The following DCAF8L2 variants were observed in gnomAD, a reference collection of about 807,000 sequenced individuals.
The protein encoded by DCAF8L2 is DDB1 and CUL4 associated factor 8 like 2, also known as DDB1- and CUL4-associated factor 8-like protein 2.
For missense variants in DCAF8L2, 430 were observed against 490.7 expected (o/e 0.88, Z 1.17); for synonymous variants, 200 against 190.9 (o/e 1.05, Z -0.39).
chrX:27,595,323 G>T (rs1926302044), intron 1 of DCAF8L2, among the ~76,000 whole-genome samples: 1 of 111,344 alleles, frequency 9.0e-6, no homozygotes, highest in African/African-American at 3.3e-5. Flanking sequence ...AAGCAGCATG[G>T]CCAACTCCAA....
At position 27,700,356 on chromosome X, in the gene DCAF8L2, C is replaced by T. The variant is rs1323848209; in HGVS notation, c.-142-15732C>T. Among the ~76,000 whole-genome samples, 13 of 96,104 alleles carry T rather than the reference C, an allele frequency of 1.4e-4. No homozygotes were observed. The Admixed American group carries it at 1.4e-3, about 11-fold the overall frequency. The allele number at this position is 96,104 out of a possible 115,157, so 83.5% of individuals were successfully genotyped here. ...TATGTGTTGAGGAGTATTAACACAT[C>T]TGGAAATGGGTCATAAGTGTTAAGG... is the stretch of plus-strand genomic sequence containing the variant. On this transcript the variant is annotated intron_variant, in intron 3 of 4. Transcript: ENST00000451261.
the DCAF8L2 span, among the ~76,000 whole-genome samples, chrX:27,533,141 AGAAAG>A: frequency 2.8e-4 from 6 of 21,807 alleles, no homozygotes; most frequent in African/African-American, 1.4e-3. Context: ...GAAGGAAGGA[AGAAAG>A]AGAGAGAGAG....
intron 3 of DCAF8L2, among the ~76,000 whole-genome samples, chrX:27,702,296 T>C (rs1289630632): frequency 1.1e-5 from 1 of 88,873 alleles, no homozygotes. Flanking sequence ...TTAATACCAA[T>C]TCCCTCACAA....
At chrX:27,487,881 T>G in the DCAF8L2 span, among the ~76,000 whole-genome samples, 1 of 111,799 alleles carries the variant, frequency 8.9e-6, no homozygotes. Flanking sequence ...TTCAGTCACT[T>G]ATCTCAATGT....
the DCAF8L2 span, among the ~76,000 whole-genome samples, chrX:27,523,986 G>C: frequency 8.9e-6 from 1 of 111,838 alleles, no homozygotes; most frequent in Admixed American, 9.5e-5. Flanking sequence ...TGGTCTAAAA[G>C]TCTCTTTCGT....
chrX:27,604,617 A>G (rs898040980), intron 1 of DCAF8L2, among the ~76,000 whole-genome samples: 9 of 112,093 alleles, frequency 8.0e-5, no homozygotes, highest in African/African-American at 2.9e-4. Context: ...AATTTGGAAA[A>G]CACAAGAAAA....
At chrX:27,615,530 T>TCTAA (rs1378227620) in intron 1 of DCAF8L2, among the ~76,000 whole-genome samples, 6 of 107,995 alleles carry the variant, frequency 5.6e-5, no homozygotes, top group Non-Finnish European at 1.1e-4. Context: ...TATCAATCTA[T>TCTAA]CTATCTATCT....
At chrX:27,507,172 T>C in the DCAF8L2 span, among the ~76,000 whole-genome samples, 1 of 112,015 alleles carries the variant, frequency 8.9e-6, no homozygotes, top group African/African-American at 3.2e-5. Context: ...TAATCAATGT[T>C]GTAGCAGTGT....
At chrX:27,513,425 G>A in the DCAF8L2 span, among the ~76,000 whole-genome samples, 1 of 111,822 alleles carries the variant, frequency 8.9e-6, no homozygotes, top group African/African-American at 3.3e-5. Flanking sequence ...AAATGAGTCA[G>A]GGTGGGCATG....
intron 1 of DCAF8L2, among the ~76,000 whole-genome samples, chrX:27,616,655 G>A (rs750107422): frequency 1.4e-3 from 160 of 111,036 alleles, no homozygotes; most frequent in Non-Finnish European, 2.6e-3. Context: ...ACTACTTATC[G>A]TATTACGTTG....
chrX:27,511,894 A>G, the DCAF8L2 span, among the ~76,000 whole-genome samples: 1 of 111,986 alleles, frequency 8.9e-6, no homozygotes, highest in African/African-American at 3.2e-5. Flanking sequence ...AAATCAGGAA[A>G]GCAATTCCAT....
At chrX:27,696,016 G>A (rs945282528) in intron 3 of DCAF8L2, among the ~76,000 whole-genome samples, 4 of 108,359 alleles carry the variant, frequency 3.7e-5, no homozygotes, top group Non-Finnish European at 7.6e-5. Flanking sequence ...CCAACATAGC[G>A]AAACCCCATC....
chrX:27,633,738 T>C (rs759566204), intron 2 of DCAF8L2: 1 of 112,125 alleles, frequency 8.9e-6, no homozygotes, highest in South Asian at 3.7e-4. Flanking sequence ...TTAAAAGAAT[T>C]ATATTGCTGA....
chrX:27,482,125 T>G, the DCAF8L2 span, among the ~76,000 whole-genome samples: 1 of 111,832 alleles, frequency 8.9e-6, no homozygotes, highest in Non-Finnish European at 1.9e-5. Context: ...TCATAATGTT[T>G]AGGAAATTTA....
the DCAF8L2 span, among the ~76,000 whole-genome samples, chrX:27,470,497 C>T: frequency 4.5e-5 from 5 of 112,142 alleles, no homozygotes; most frequent in African/African-American, 1.3e-4. Context: ...GAGTTTGATC[C>T]GTTGATGCCG....
At chrX:27,473,183 T>A in the DCAF8L2 span, among the ~76,000 whole-genome samples, 1 of 112,477 alleles carries the variant, frequency 8.9e-6, no homozygotes, top group South Asian at 3.6e-4. Flanking sequence ...CTAAAAATTT[T>A]GTATGTGAAA....
At chrX:27,529,938 C>A in the DCAF8L2 span, among the ~76,000 whole-genome samples, 1 of 111,426 alleles carries the variant, frequency 9.0e-6, no homozygotes, top group South Asian at 3.8e-4. Context: ...GGAACAATAA[C>A]AAATAGAAGA....
At chrX:27,639,564 A>G in intron 2 of DCAF8L2, among the ~76,000 whole-genome samples, 1 of 111,895 alleles carries the variant, frequency 8.9e-6, no homozygotes, top group East Asian at 2.8e-4. Context: ...CCATAAATAT[A>G]TACACCTACT....
chrX:27,485,553 A>G, the DCAF8L2 span, among the ~76,000 whole-genome samples: 1 of 111,842 alleles, frequency 8.9e-6, no homozygotes, highest in Non-Finnish European at 1.9e-5. Context: ...AAAATGTCTC[A>G]TTATTCTATA....
Sources: allele counts gnomAD v4.1 joint callset (sites outside exome capture counted in the v4.1 genomes callset), GRCh38; gene constraint gnomAD v4.1.1; transcripts MANE v1.5; gene names NCBI Gene and HGNC (gene_info 2026-07-23, HGNC 2026-07-21).